PALS2: variants seen among roughly 807,000 people sequenced by gnomAD.
PALS2 encodes the protein protein associated with LIN7 2, MAGUK p55 family member, also known as protein PALS2.
Under a neutral mutation model 61.6 loss-of-function variants are expected in PALS2, and 27 were observed. That is an observed-to-expected ratio of 0.44 (90% CI 0.32 to 0.60). PALS2 has a LOEUF of 0.60. Among genes scored for constraint, PALS2 ranks in the 20% least tolerant of loss-of-function variants. The pLI is 0.05. For synonymous variants in PALS2, 236 were observed against 218.6 expected (o/e 1.08, Z -0.70); for missense variants, 554 against 639.4 (o/e 0.87, Z 1.44).
rs544252805 is a variant in PALS2 at position 24,581,694 on chromosome 7, C to T, written c.-3+8101C>T. Among the ~76,000 whole-genome samples the T allele has an allele frequency of 2.0e-5, 3 of 152,280 alleles. No individual in the cohort carries two copies. The South Asian group carries it at 6.2e-4, about 32-fold the overall frequency. ...GCAAACAGTGCACAGGGCAGCCCCC[C>T]TCAACAAGGAGTCATCCAGCCCAAA... On this transcript the variant is annotated intron_variant, in intron 1 of 11. Transcript: ENST00000222644.
chr7:24,613,050 G>A (rs1784169058), intron 1 of PALS2, among the ~76,000 whole-genome samples: 1 of 151,644 alleles, frequency 6.6e-6, no homozygotes, highest in Non-Finnish European at 1.5e-5. Flanking sequence ...ATTGAGATGA[G>A]TTTGGGTTTT....
At chr7:24,575,745 C>T (rs1219272626) in intron 1 of PALS2, among the ~76,000 whole-genome samples, 2 of 151,980 alleles carry the variant, frequency 1.3e-5, no homozygotes, top group Middle Eastern at 3.2e-3. Context: ...ACAAATAATA[C>T]AGGATTAGTG....
intron 9 of PALS2, among the ~76,000 whole-genome samples, chr7:24,673,294 T>G (rs1030487798): frequency 6.6e-6 from 1 of 152,196 alleles, no homozygotes; most frequent in Non-Finnish European, 1.5e-5. Context: ...TACTTCTAGA[T>G]TCAGTTGCTT....
intron 11 of PALS2, among the ~76,000 whole-genome samples, chr7:24,686,301 C>T (rs1247353109): frequency 1.3e-5 from 2 of 152,168 alleles, no homozygotes; most frequent in Non-Finnish European, 2.9e-5. Flanking sequence ...CATCAGTCTC[C>T]CTGCTTCCAC....
chr7:24,642,017 C>T (rs939598457), intron 3 of PALS2, 149 bp downstream of exon 3: 6 of 779,438 alleles, frequency 7.7e-6, no homozygotes, highest in African/African-American at 7.1e-5. Flanking sequence ...TTTTAATGTC[C>T]TCATATGCTG....
chr7:24,578,388 TTATAAAATGA>T (rs1247522719), intron 1 of PALS2, among the ~76,000 whole-genome samples: 1 of 152,250 alleles, frequency 6.6e-6, no homozygotes, highest in Non-Finnish European at 1.5e-5. Context: ...AAATGCTCCT[TTATAAAATGA>T]TAGTAGTATG....
At chr7:24,612,007 A>G (rs1784131858) in intron 1 of PALS2, among the ~76,000 whole-genome samples, 1 of 152,030 alleles carries the variant, frequency 6.6e-6, no homozygotes, top group African/African-American at 2.4e-5. Flanking sequence ...TCTAGATTCT[A>G]GAAATATTTA....
rs1299961741 is a variant in PALS2 at position 24,573,668 on chromosome 7, G to C, written c.-3+75G>C. 4 of 214,628 alleles carry C rather than the reference G, an allele frequency of 1.9e-5. No individual in the cohort carries two copies. The highest frequency in any genetic ancestry group is 9.5e-5 in the African/African-American group (4 of 42,152). The allele number at this position is 214,628 out of a possible 1,614,324, so 13.3% of individuals were successfully genotyped here. On this transcript the variant is annotated intron_variant, in intron 1 of 11. Transcript: ENST00000222644. The surrounding 1 kb of genome is among the most constrained non-coding windows in gnomAD (Gnocchi z 5.3). ...CCGGGCCGGCCGGGGGCGCCCTGTT[G>C]CTCGGCGCGGCGCGCCACGCGGGGA...
chr7:24,573,778 G>T lies in PALS2; in HGVS notation c.-3+185G>T, dbSNP rs1464397619. Among the ~76,000 whole-genome samples the T allele has an allele frequency of 6.8e-6, 1 of 146,724 alleles. No homozygotes were observed. The highest frequency in any genetic ancestry group is 1.5e-5 in the Non-Finnish European group (1 of 65,830). On this transcript the variant is annotated intron_variant, in intron 1 of 11. Coordinates refer to ENST00000222644, the MANE Select transcript of PALS2 (RefSeq NM_001303037.2). This position sits in a 1 kb window ranked among gnomAD's most constrained non-coding sequence, Gnocchi z 5.3. ...CGGCAGGCGGCGGCGGCGGCGCCGC[G>T]GTCGGGGAGGCTGCTGGCCGCCCCC...
rs1783547750 is a variant in PALS2, at chr7:24,596,986, T to A, written c.-3+23393T>A. ...TGAAGAAGAATTAGATGTCTGGAGG[T>A]TAGGGAGAAGAAAAAAATTGGATGA... On this transcript the variant is annotated intron_variant, in intron 1 of 11. Coordinates refer to ENST00000222644, the MANE Select transcript of PALS2 (RefSeq NM_001303037.2). The surrounding 1 kb of genome is among the most constrained non-coding windows in gnomAD (Gnocchi z 4.5). The A allele has an allele frequency of 6.6e-6, 1 of 151,930 alleles. No individual in the cohort carries two copies. The highest frequency in any genetic ancestry group is 2.1e-4 in the South Asian group (1 of 4,814). The allele number at this position is 151,930 out of a possible 1,614,324, so 9.4% of individuals were successfully genotyped here. A position where few individuals can be genotyped will look rare whatever the true frequency, so the allele number is the denominator to read the frequency against.
chr7:24,615,407 CAT>C (rs1784259519), intron 1 of PALS2, among the ~76,000 whole-genome samples: 1 of 151,716 alleles, frequency 6.6e-6, no homozygotes, highest in Non-Finnish European at 1.5e-5. Context: ...CAAAACATGT[CAT>C]AACTGATATT....
intron 9 of PALS2, among the ~76,000 whole-genome samples, chr7:24,670,722 A>T (rs577845865): frequency 6.6e-6 from 1 of 152,334 alleles, no homozygotes; most frequent in South Asian, 2.1e-4. Flanking sequence ...CCCTGCTGCC[A>T]GGAGCAATCA....
At chr7:24,594,269 G>T (rs1480680056) in intron 1 of PALS2, among the ~76,000 whole-genome samples, 1 of 152,056 alleles carries the variant, frequency 6.6e-6, no homozygotes, top group Non-Finnish European at 1.5e-5. Flanking sequence ...TTAAGAGAAT[G>T]CTGTGACTGG....
At chr7:24,578,675 G>C (rs964055274) in intron 1 of PALS2, among the ~76,000 whole-genome samples, 1 of 152,172 alleles carries the variant, frequency 6.6e-6, no homozygotes, top group Non-Finnish European at 1.5e-5. Context: ...TGGGAAACTG[G>C]AGAAAGGTTC....
intron 2 of PALS2, among the ~76,000 whole-genome samples, chr7:24,639,262 A>T (rs1392188362): frequency 6.6e-6 from 1 of 152,260 alleles, no homozygotes; most frequent in Non-Finnish European, 1.5e-5. Context: ...AGTAAGCTTT[A>T]ATAGATGAGA....
intron 9 of PALS2, chr7:24,674,223 C>T (rs1260048485): frequency 6.5e-6 from 1 of 152,828 alleles, no homozygotes; most frequent in African/African-American, 2.4e-5. Flanking sequence ...GAACGGGAAC[C>T]CATCTTTGTG....
intron 2 of PALS2, among the ~76,000 whole-genome samples, chr7:24,629,234 A>G (rs1038780266): frequency 1.3e-5 from 2 of 152,194 alleles, no homozygotes; most frequent in African/African-American, 4.8e-5. Flanking sequence ...AAAACAAGCA[A>G]TGGGGAAAGG....
intron 5 of PALS2, among the ~76,000 whole-genome samples, chr7:24,658,190 A>G (rs1021745999): frequency 5.3e-5 from 8 of 152,116 alleles, no homozygotes; most frequent in Non-Finnish European, 1.0e-4. Context: ...TTCTTTTGCA[A>G]TGTCTAATCT....
At chr7:24,650,454 T>C in intron 4 of PALS2, 31 bp from the exon 5 acceptor site, 2 of 1,488,866 alleles carry the variant, frequency 1.3e-6, no homozygotes, top group South Asian at 1.3e-5. Context: ...CCCTAATAAT[T>C]AATGAGAAAT....
Sources: gnomAD v4.1 joint callset for allele counts (sites outside exome capture counted in the v4.1 genomes callset) on GRCh38, gnomAD v4.1.1 for gene constraint, Gnocchi (gnomAD v3.1) non-coding constraint, MANE v1.5 for transcripts, NCBI Gene and HGNC (gene_info 2026-07-23, HGNC 2026-07-21) for gene names.